Variants in NTM observed in about 807,000 individuals in gnomAD.
The protein encoded by NTM is neurotrimin, also known as IgLON family member 2.
NTM carries 13 observed loss-of-function variants against 42.1 expected under a neutral mutation model. That is an observed-to-expected ratio of 0.31 (90% CI 0.20 to 0.49). The LOEUF (loss-of-function observed/expected upper bound fraction) is 0.49, where lower values mean the gene tolerates loss of function less well. Among genes scored for constraint, NTM ranks in the 20% least tolerant of loss-of-function variants. The pLI, the probability that NTM is intolerant of heterozygous loss-of-function variation, is 0.99. For synonymous variants in NTM, 187 were observed against 179.2 expected (o/e 1.04, Z -0.35); for missense variants, 373 against 452.8 (o/e 0.82, Z 1.60).
intron 4 of NTM, among the ~76,000 whole-genome samples, chr11:132,254,746 T>C (rs114961178): frequency 2.6e-5 from 4 of 152,290 alleles, no homozygotes; most frequent in East Asian, 3.9e-4. Flanking sequence ...GTGTCTCCTC[T>C]TCTGGATGGG....
intron 2 of NTM, among the ~76,000 whole-genome samples, chr11:132,040,447 G>A (rs552716552): frequency 6.6e-6 from 1 of 152,328 alleles, no homozygotes; most frequent in Admixed American, 6.5e-5. Flanking sequence ...ACACATTTCA[G>A]GAGAAGAGCT....
At chr11:132,047,639 C>T (rs1446641513) in intron 2 of NTM, among the ~76,000 whole-genome samples, 1 of 152,242 alleles carries the variant, frequency 6.6e-6, no homozygotes. Context: ...AGCCTCCTAG[C>T]CATAGCTCTG....
At chr11:132,165,214 C>T (rs73595467) in intron 3 of NTM, among the ~76,000 whole-genome samples, 4,626 of 152,244 alleles carry the variant, frequency 0.03, 229 homozygotes, top group African/African-American at 0.1. Flanking sequence ...TCTTGCCCCA[C>T]CTCCCTTACC....
intron 4 of NTM, among the ~76,000 whole-genome samples, chr11:132,250,452 C>G (rs1050563818): frequency 6.6e-6 from 1 of 152,114 alleles, no homozygotes; most frequent in African/African-American, 2.4e-5. Context: ...GCCATTGTCT[C>G]TTCAAATATT....
intron 1 of NTM, among the ~76,000 whole-genome samples, chr11:131,414,492 A>G (rs1397290087): frequency 6.6e-6 from 1 of 152,182 alleles, no homozygotes; most frequent in Admixed American, 6.5e-5. Flanking sequence ...CAGGTCCGGG[A>G]CTGCCACTTC....
At chr11:131,600,790 G>T (rs2060414892) in intron 1 of NTM, among the ~76,000 whole-genome samples, 1 of 152,170 alleles carries the variant, frequency 6.6e-6, no homozygotes, top group Non-Finnish European at 1.5e-5. Flanking sequence ...CAGTGTAAGA[G>T]GCCCATAATC....
At position 131,644,954 on chromosome 11, in the gene NTM, C is replaced by T. The variant is rs568548722; in HGVS notation, c.83-266610C>T. ...TACCAAACTCCATCAAGTGCTCCTT[C>T]GACAACAGGCAGGCTCACAGCATTG... is the stretch of plus-strand genomic sequence containing the variant. On this transcript the variant is annotated intron_variant, in intron 1 of 8. Transcript: ENST00000683400. 1.2e-4 allele frequency among the ~76,000 whole-genome samples: 19 copies of T among 152,184 alleles called. No individual in the cohort carries two copies. The South Asian group carries it at 3.3e-3, about 27-fold the overall frequency.
intron 1 of NTM, among the ~76,000 whole-genome samples, chr11:131,565,059 G>A (rs1032753227): frequency 5.3e-5 from 8 of 152,296 alleles, no homozygotes; most frequent in Middle Eastern, 3.4e-3. Context: ...AGATGCTTGC[G>A]GTACCTCCCC....
At chr11:131,446,862 T>A (rs554622158) in intron 1 of NTM, among the ~76,000 whole-genome samples, 9 of 152,322 alleles carry the variant, frequency 5.9e-5, no homozygotes, top group African/African-American at 2.2e-4. Flanking sequence ...AGGACACATG[T>A]CATCATTTGA....
chr11:132,331,872 A>G (rs1035412304), intron 8 of NTM, among the ~76,000 whole-genome samples: 8 of 151,906 alleles, frequency 5.3e-5, no homozygotes, highest in Non-Finnish European at 1.0e-4. Context: ...GGGAAAAAAG[A>G]CCCGCCCCTG....
intron 1 of NTM, among the ~76,000 whole-genome samples, chr11:131,439,943 CTTT>C (rs11388263): frequency 2.2e-5 from 3 of 137,744 alleles, no homozygotes; most frequent in Non-Finnish European, 4.7e-5. Context: ...CCATCTTAGG[CTTT>C]TTTTTTTTTT....
chr11:131,795,858 C>T, intron 1 of NTM: 1 of 985,068 alleles, frequency 1.0e-6, no homozygotes. Flanking sequence ...GCACAGGGTG[C>T]TCCTGAACCA....
chr11:132,064,933 A>G (rs2081220246), intron 2 of NTM, among the ~76,000 whole-genome samples: 1 of 152,196 alleles, frequency 6.6e-6, no homozygotes, highest in Non-Finnish European at 1.5e-5. Context: ...TTCTGTTTAA[A>G]AATCCAGCGC....
chr11:131,772,733 G>A (rs1334325013), intron 1 of NTM, among the ~76,000 whole-genome samples: 3 of 152,180 alleles, frequency 2.0e-5, no homozygotes, highest in African/African-American at 7.2e-5. Flanking sequence ...TGGAAACTGC[G>A]AGATAACAAA....
intron 1 of NTM, among the ~76,000 whole-genome samples, chr11:131,687,602 A>G (rs2074065605): frequency 6.7e-6 from 1 of 149,298 alleles, no homozygotes; most frequent in African/African-American, 2.4e-5. Flanking sequence ...TGGGGCAGCC[A>G]CAAGTTACTT....
chr11:132,050,971 C>G (rs1221273265), intron 2 of NTM, among the ~76,000 whole-genome samples: 1 of 152,206 alleles, frequency 6.6e-6, no homozygotes, highest in Admixed American at 6.5e-5. Context: ...GAAATCTGAG[C>G]CCTGCAGCAA....
chr11:132,103,099 A>G (rs1008179364), intron 2 of NTM, among the ~76,000 whole-genome samples: 3 of 152,196 alleles, frequency 2.0e-5, no homozygotes, highest in African/African-American at 7.2e-5. Context: ...TACCATGCCT[A>G]TTGTGGAACC....
rs116439168 is a variant in NTM, at chr11:131,634,345, T to C, written c.82+263457T>C. 4.5e-3 allele frequency among the ~76,000 whole-genome samples: 686 copies of C among 152,014 alleles called. 8 individuals are homozygous for C. Among genetic ancestry groups the C allele is most frequent in the African/African-American group, 0.015 (640 of 41,486 alleles). ...ATTCTGGTGTATAATTGAAAATAAA[T>C]TCTAATAACTCTTCTTGAAAGAGCT... On this transcript the variant is annotated intron_variant, in intron 1 of 8. Transcript: ENST00000683400.
rs150311835 is a variant in NTM at position 132,112,190 on chromosome 11, A to G, written c.168-34092A>G. ...GTGTGACCCAGGCTAAGACAGTGTTATGCAGATTGGAGCATCTTAAACAGA... is the reference window on the plus strand; with the variant it reads ...GTGTGACCCAGGCTAAGACAGTGTTGTGCAGATTGGAGCATCTTAAACAGA... On this transcript the variant is annotated intron_variant, in intron 2 of 8. Coordinates refer to ENST00000683400, the MANE Select transcript of NTM (RefSeq NM_001352005.2). 2.6e-3 allele frequency among the ~76,000 whole-genome samples: 372 copies of G among 144,752 alleles called. 2 individuals are homozygous for G. Among genetic ancestry groups the G allele is most frequent in the African/African-American group, 9.3e-3 (354 of 38,172 alleles). 95.0% of individuals were successfully genotyped at this position (144,752 alleles called of 152,430 possible).
Sources: allele counts gnomAD v4.1 joint callset (sites outside exome capture counted in the v4.1 genomes callset), GRCh38; gene constraint gnomAD v4.1.1; transcripts MANE v1.5; gene names NCBI Gene and HGNC (gene_info 2026-07-23, HGNC 2026-07-21).